The following RAD51B variants were observed in gnomAD, a reference collection of about 807,000 sequenced individuals.
The protein encoded by RAD51B is DNA repair protein RAD51 homolog 2.
A neutral mutation model predicts 42.2 loss-of-function variants in RAD51B; 38 were observed. That is an observed-to-expected ratio of 0.90 (90% confidence interval 0.70 to 1.18). The LOEUF is 1.18. Ranked by LOEUF, RAD51B falls within the 50% of genes most tolerant of loss-of-function variation. The probability of loss-of-function intolerance (pLI) is 0.00; values close to 1 mark genes in which losing one functional copy is unlikely to be tolerated. For synonymous variants in RAD51B, 154 were observed against 145.2 expected (o/e 1.06, Z -0.43); for missense variants, 373 against 400.7 (o/e 0.93, Z 0.59).
At chr14:68,484,120 C>T (rs1302061287) in intron 10 of RAD51B, among the ~76,000 whole-genome samples, 1 of 152,178 alleles carries the variant, frequency 6.6e-6, no homozygotes, top group African/African-American at 2.4e-5. Context: ...ATAGACTTCG[C>T]GTACCCTGAG....
intron 7 of RAD51B, among the ~76,000 whole-genome samples, chr14:67,960,055 A>T (rs1566979065): frequency 1.3e-5 from 2 of 151,624 alleles, no homozygotes; most frequent in Non-Finnish European, 2.9e-5. Flanking sequence ...ACTGCGCTAC[A>T]GCCTGGGCAA....
At chr14:68,259,104 A>G (rs938353104) in intron 7 of RAD51B, among the ~76,000 whole-genome samples, 5 of 152,234 alleles carry the variant, frequency 3.3e-5, no homozygotes, top group African/African-American at 9.6e-5. Flanking sequence ...GAGACATGTC[A>G]GTGATTGAGG....
At chr14:68,580,026 A>G (rs1890140687) in intron 10 of RAD51B, among the ~76,000 whole-genome samples, 1 of 152,246 alleles carries the variant, frequency 6.6e-6, no homozygotes, top group Admixed American at 6.5e-5. Flanking sequence ...CCGCAATGCC[A>G]GCATGGAGCT....
chr14:68,483,700 A>C (rs1304360332), intron 10 of RAD51B, among the ~76,000 whole-genome samples: 2 of 152,210 alleles, frequency 1.3e-5, no homozygotes, highest in Non-Finnish European at 2.9e-5. Flanking sequence ...AAGAGAGAGA[A>C]ACTTTCCCTT....
intron 7 of RAD51B, among the ~76,000 whole-genome samples, chr14:67,899,188 A>G (rs893685971): frequency 6.0e-5 from 9 of 149,130 alleles, no homozygotes; most frequent in Non-Finnish European, 8.9e-5. Context: ...GACTATAGGC[A>G]CCCGCCACCA....
At chr14:68,576,316 G>C (rs1272831295) in intron 10 of RAD51B, among the ~76,000 whole-genome samples, 1 of 152,198 alleles carries the variant, frequency 6.6e-6, no homozygotes, top group Non-Finnish European at 1.5e-5. Context: ...CATGAAGGGA[G>C]AAGGCAAATG....
rs562338979 is a variant in RAD51B at position 68,231,358 on chromosome 14, C to T, written c.757-60526C>T. Among the ~76,000 whole-genome samples the T allele has an allele frequency of 1.6e-4, 25 of 152,278 alleles. No individual in the cohort carries two copies. In the South Asian group the frequency reaches 5.0e-3, roughly 30 times the overall value. On this transcript the variant is annotated intron_variant, in intron 7 of 10. Coordinates refer to ENST00000471583, the MANE Select transcript of RAD51B (RefSeq NM_133510.4). Reference sequence around the variant, plus strand: ...TTTCTCTCTAAATCTTTCCTCCAACCTTATTGAATCTCTCCCCTTCTTTTT... The same window carrying T: ...TTTCTCTCTAAATCTTTCCTCCAACTTTATTGAATCTCTCCCCTTCTTTTT...
At chr14:67,841,065 G>C (rs2041410678) in intron 4 of RAD51B, among the ~76,000 whole-genome samples, 1 of 152,162 alleles carries the variant, frequency 6.6e-6, no homozygotes, top group Non-Finnish European at 1.5e-5. Flanking sequence ...CTCCCAAATT[G>C]CTGAGATTAT....
intron 7 of RAD51B, among the ~76,000 whole-genome samples, chr14:68,089,646 G>A (rs1389653569): frequency 2.0e-5 from 3 of 152,198 alleles, no homozygotes; most frequent in African/African-American, 7.2e-5. Flanking sequence ...CCAAGTGCCA[G>A]ATTTGCATTT....
At chr14:68,135,859 C>G (rs1003273026) in intron 7 of RAD51B, among the ~76,000 whole-genome samples, 1 of 152,186 alleles carries the variant, frequency 6.6e-6, no homozygotes, top group African/African-American at 2.4e-5. Context: ...TAAGTTACCT[C>G]AGGGATGGCT....
chr14:67,820,792 A>C (rs955711582), intron 1 of RAD51B, among the ~76,000 whole-genome samples: 1 of 152,098 alleles, frequency 6.6e-6, no homozygotes, highest in Non-Finnish European at 1.5e-5. Context: ...CTTAAGTACT[A>C]TGTGCCACGC....
chr14:68,198,754 G>T (rs1412161082), intron 7 of RAD51B, among the ~76,000 whole-genome samples: 3 of 152,114 alleles, frequency 2.0e-5, no homozygotes, highest in Non-Finnish European at 4.4e-5. Flanking sequence ...GCAGTTCTCA[G>T]CCTTGAAGTT....
chr14:68,004,366 G>A (rs1231875233), intron 7 of RAD51B, among the ~76,000 whole-genome samples: 2 of 150,546 alleles, frequency 1.3e-5, no homozygotes, highest in Non-Finnish European at 3.0e-5. Context: ...GAATATATTG[G>A]TGGATTTTTT....
intron 7 of RAD51B, among the ~76,000 whole-genome samples, chr14:67,929,183 T>G (rs1017983043): frequency 2.0e-5 from 3 of 152,116 alleles, no homozygotes; most frequent in African/African-American, 7.2e-5. Flanking sequence ...CATGGTTAGA[T>G]TGTTCATTTG....
intron 7 of RAD51B, among the ~76,000 whole-genome samples, chr14:68,205,373 G>A (rs1195227480): frequency 1.3e-5 from 2 of 152,082 alleles, no homozygotes; most frequent in Non-Finnish European, 2.9e-5. Flanking sequence ...AAATAGGGTG[G>A]GAGTGGTAGG....
chr14:68,412,644 C>G (rs551820357), intron 9 of RAD51B, among the ~76,000 whole-genome samples: 28 of 152,268 alleles, frequency 1.8e-4, no homozygotes, highest in African/African-American at 6.5e-4. Context: ...TCAGCCATGT[C>G]CTGAGAAGAT....
chr14:68,636,140 C>A (rs1892335129), intron 10 of RAD51B, among the ~76,000 whole-genome samples: 2 of 152,166 alleles, frequency 1.3e-5, no homozygotes, highest in Admixed American at 6.5e-5. Context: ...ATCCACTGTA[C>A]TTTGTCTGAA....
intron 7 of RAD51B, among the ~76,000 whole-genome samples, chr14:68,139,246 A>G (rs1037299396): frequency 4.6e-5 from 7 of 151,324 alleles, no homozygotes; most frequent in African/African-American, 1.7e-4. Flanking sequence ...ATTTCAAAAC[A>G]TCTCTGGAGA....
chr14:67,899,386 A>G (rs1385216595), intron 7 of RAD51B, among the ~76,000 whole-genome samples: 2 of 152,248 alleles, frequency 1.3e-5, no homozygotes, highest in South Asian at 4.1e-4. Context: ...CTGCTGGGAA[A>G]TATCTTCTTA....
Sources: allele counts gnomAD v4.1 joint callset (sites outside exome capture counted in the v4.1 genomes callset), GRCh38; gene constraint gnomAD v4.1.1; transcripts MANE v1.5; gene names NCBI Gene and HGNC (gene_info 2026-07-23, HGNC 2026-07-21).